KCNQ5: variants seen among roughly 807,000 people sequenced by gnomAD.
The protein encoded by KCNQ5 is potassium voltage-gated channel subfamily Q member 5, also known as potassium voltage-gated channel subfamily KQT member 5.
In KCNQ5, 30 loss-of-function variants were observed where a neutral mutation model predicts 98.2. That is an observed-to-expected ratio of 0.31 (90% CI 0.23 to 0.41). The LOEUF is 0.41. Among genes scored for constraint, KCNQ5 ranks in the 10% least tolerant of loss-of-function variants. KCNQ5 has a pLI of 1.00. For synonymous variants in KCNQ5, 458 were observed against 449.4 expected (o/e 1.02, Z -0.24); for missense variants, 835 against 1,182.5 (o/e 0.71, Z 4.31).
At chr6:72,941,514 CCCTT>C (rs1319078087) in intron 1 of KCNQ5, among the ~76,000 whole-genome samples, 6 of 128,310 alleles carry the variant, frequency 4.7e-5, no homozygotes, top group African/African-American at 1.5e-4. Context: ...TTCTCTCCCT[CCCTT>C]CCTTCCTTCC....
chr6:72,905,035 T>A (rs980722287), intron 1 of KCNQ5, among the ~76,000 whole-genome samples: 5 of 152,068 alleles, frequency 3.3e-5, no homozygotes, highest in African/African-American at 1.2e-4. Context: ...TCATTTAACA[T>A]AATCCCAGAC....
intron 1 of KCNQ5, among the ~76,000 whole-genome samples, chr6:72,686,767 A>G (rs1767978574): frequency 1.5e-5 from 2 of 134,852 alleles, no homozygotes. Context: ...ATCTGGGACT[A>G]CTGTGGTACA....
chr6:73,106,893 T>A (rs970283692), intron 6 of KCNQ5, among the ~76,000 whole-genome samples: 1 of 152,108 alleles, frequency 6.6e-6, no homozygotes, highest in Non-Finnish European at 1.5e-5. Flanking sequence ...GAACTCTCAA[T>A]AAATGTTACT....
chr6:72,910,205 G>A (rs770866521), intron 1 of KCNQ5, among the ~76,000 whole-genome samples: 1 of 151,950 alleles, frequency 6.6e-6, no homozygotes, highest in Admixed American at 6.6e-5. Context: ...ATTAAGTTCT[G>A]GGATTCATTA....
chr6:72,670,760 T>C (rs1388105973), intron 1 of KCNQ5, among the ~76,000 whole-genome samples: 1 of 152,162 alleles, frequency 6.6e-6, no homozygotes, highest in African/African-American at 2.4e-5. Flanking sequence ...GTGTCTCTTC[T>C]TATAAGGACA....
chr6:72,977,195 A>G (rs1360806042), intron 1 of KCNQ5, among the ~76,000 whole-genome samples: 2 of 152,304 alleles, frequency 1.3e-5, no homozygotes, highest in Admixed American at 6.5e-5. Context: ...TCAAAACAAT[A>G]CTAGAGGAGA....
chr6:73,157,589 AG>A (rs1381249091), intron 10 of KCNQ5: 14 of 768,192 alleles, frequency 1.8e-5, no homozygotes, highest in Non-Finnish European at 3.2e-5. Flanking sequence ...CCTGGCATGG[AG>A]GGCGGCGGCA....
intron 11 of KCNQ5, among the ~76,000 whole-genome samples, chr6:73,171,333 G>A (rs926162115): frequency 6.6e-6 from 1 of 152,152 alleles, no homozygotes. Context: ...CATCATAAGT[G>A]TTAATAATGC....
At chr6:72,644,883 T>C (rs1480686245) in intron 1 of KCNQ5, among the ~76,000 whole-genome samples, 2 of 152,206 alleles carry the variant, frequency 1.3e-5, no homozygotes, top group Admixed American at 6.5e-5. Context: ...AAATTGCTCA[T>C]AGTGAATATT....
At chr6:72,794,349 A>T in intron 1 of KCNQ5, among the ~76,000 whole-genome samples, 1 of 142,010 alleles carries the variant, frequency 7.0e-6, no homozygotes, top group Non-Finnish European at 1.5e-5. Flanking sequence ...AGGAGAGAGA[A>T]AAAAAAAAAA....
intron 1 of KCNQ5, among the ~76,000 whole-genome samples, chr6:72,633,515 C>T (rs748084466): frequency 4.6e-5 from 7 of 152,178 alleles, no homozygotes; most frequent in Non-Finnish European, 8.8e-5. Context: ...AACTACAATG[C>T]CATTCTTCAC....
intron 1 of KCNQ5, among the ~76,000 whole-genome samples, chr6:72,905,737 T>C (rs1779672326): frequency 6.6e-6 from 1 of 152,180 alleles, no homozygotes. Context: ...CATGGAGTTC[T>C]ATGATGTGAA....
chr6:73,044,555 A>G (rs1333521200), intron 3 of KCNQ5, among the ~76,000 whole-genome samples: 1 of 152,236 alleles, frequency 6.6e-6, no homozygotes, highest in African/African-American at 2.4e-5. Flanking sequence ...AATGTGGCTT[A>G]TCAGTATGAG....
At chr6:73,182,320 G>A (rs920999325) in intron 11 of KCNQ5, among the ~76,000 whole-genome samples, 6 of 152,186 alleles carry the variant, frequency 3.9e-5, no homozygotes, top group African/African-American at 9.7e-5. Flanking sequence ...AACCCACAAA[G>A]CATAAGATAT....
chr6:73,096,038 A>G (rs1327407430), intron 5 of KCNQ5, among the ~76,000 whole-genome samples: 1 of 152,164 alleles, frequency 6.6e-6, no homozygotes, highest in Non-Finnish European at 1.5e-5. Flanking sequence ...GGAGCAAGGA[A>G]GCCACTCTGA....
intron 6 of KCNQ5, among the ~76,000 whole-genome samples, chr6:73,108,836 A>T (rs1775111578): frequency 6.6e-6 from 1 of 152,188 alleles, no homozygotes; most frequent in Admixed American, 6.5e-5. Context: ...CAAAAAAAAT[A>T]AAAAATAAAA....
intron 2 of KCNQ5, among the ~76,000 whole-genome samples, chr6:73,008,170 A>C (rs1769901538): frequency 6.6e-6 from 1 of 152,172 alleles, no homozygotes; most frequent in Non-Finnish European, 1.5e-5. Flanking sequence ...AACTAAACAC[A>C]AAAGAAGGTA....
chr6:72,641,210 T>C (rs982042014), intron 1 of KCNQ5, among the ~76,000 whole-genome samples: 1 of 152,108 alleles, frequency 6.6e-6, no homozygotes, highest in Admixed American at 6.6e-5. Context: ...TTTCCAGATA[T>C]GAAAATGTGA....
At chr6:73,126,645 T>C (rs780869889) in intron 9 of KCNQ5, among the ~76,000 whole-genome samples, 1 of 152,190 alleles carries the variant, frequency 6.6e-6, no homozygotes, top group Non-Finnish European at 1.5e-5. Context: ...ACCACTGAAG[T>C]GGGTTGATGA....
Sources: allele counts gnomAD v4.1 joint callset (sites outside exome capture counted in the v4.1 genomes callset), GRCh38; gene constraint gnomAD v4.1.1; transcripts MANE v1.5; gene names NCBI Gene and HGNC (gene_info 2026-07-23, HGNC 2026-07-21).